Variants in PDZRN4 observed in about 807,000 individuals in gnomAD.
PDZRN4 encodes PDZ domain containing ring finger 4.
A neutral mutation model predicts 99.0 loss-of-function variants in PDZRN4; 70 were observed. The ratio of observed to expected loss-of-function variants is 0.71; its 90% CI spans 0.58 to 0.86. The LOEUF is 0.86. Among genes scored for constraint, PDZRN4 ranks in the 40% least tolerant of loss-of-function variants. The pLI is 0.00. For missense variants in PDZRN4, 1,474 were observed against 1,331.2 expected (o/e 1.11, Z -1.67); for synonymous variants, 551 against 501.6 (o/e 1.10, Z -1.32).
At position 41,259,263 on chromosome 12, in the gene PDZRN4, G is replaced by T. The variant is rs190291455; in HGVS notation, c.843+65075G>T. 1.0e-3 allele frequency among the ~76,000 whole-genome samples: 158 copies of T among 151,898 alleles called. 1 individual carries two copies. Among genetic ancestry groups the T allele is most frequent in the African/African-American group, 3.7e-3 (154 of 41,460 alleles). On this transcript the variant is annotated intron_variant, in intron 3 of 9. Coordinates refer to ENST00000402685, the MANE Select transcript of PDZRN4 (RefSeq NM_001164595.2). ...TGAGGAGAAAAGACAGAGTGGAAAGGGAAAGACAGGAGAAAATAAAGAAGA... is the reference window on the plus strand; with the variant it reads ...TGAGGAGAAAAGACAGAGTGGAAAGTGAAAGACAGGAGAAAATAAAGAAGA...
intron 3 of PDZRN4, among the ~76,000 whole-genome samples, chr12:41,319,875 T>G (rs1213239871): frequency 1.3e-5 from 2 of 152,260 alleles, no homozygotes; most frequent in Non-Finnish European, 2.9e-5. Flanking sequence ...TGCTGCCTGC[T>G]TTTTAAACCT....
chr12:41,195,746 C>T (rs1161230076), intron 3 of PDZRN4, among the ~76,000 whole-genome samples: 2 of 152,164 alleles, frequency 1.3e-5, no homozygotes, highest in African/African-American at 2.4e-5. Context: ...TGGAAACATT[C>T]ACATGCTGTA....
chr12:41,456,515 C>G (rs1952818073), intron 3 of PDZRN4, among the ~76,000 whole-genome samples: 1 of 152,138 alleles, frequency 6.6e-6, no homozygotes, highest in Admixed American at 6.6e-5. Flanking sequence ...TAACCAGGTC[C>G]TTTCTATATT....
intron 3 of PDZRN4, among the ~76,000 whole-genome samples, chr12:41,232,592 G>T (rs540141464): frequency 6.6e-6 from 1 of 152,034 alleles, no homozygotes; most frequent in South Asian, 2.1e-4. Context: ...AGATGAGTAG[G>T]TTGCAAAAAT....
chr12:41,217,898 G>T (rs999438050), intron 3 of PDZRN4, among the ~76,000 whole-genome samples: 1 of 151,952 alleles, frequency 6.6e-6, no homozygotes. Context: ...ACTGAAAAAA[G>T]ATACCACATG....
chr12:41,312,046 A>T (rs1028327056), intron 3 of PDZRN4, among the ~76,000 whole-genome samples: 7 of 152,172 alleles, frequency 4.6e-5, no homozygotes, highest in Admixed American at 6.5e-5. Flanking sequence ...TCCTGCTGCT[A>T]AAATCATGTT....
At chr12:41,383,698 G>A (rs989656806) in intron 3 of PDZRN4, among the ~76,000 whole-genome samples, 1 of 152,050 alleles carries the variant, frequency 6.6e-6, no homozygotes, top group African/African-American at 2.4e-5. Flanking sequence ...ATAGATAAAT[G>A]TTTCCCCATA....
intron 3 of PDZRN4, among the ~76,000 whole-genome samples, chr12:41,468,937 A>G (rs938380284): frequency 1.2e-4 from 18 of 151,932 alleles, no homozygotes; most frequent in Non-Finnish European, 2.6e-4. Flanking sequence ...TGAACCCAGT[A>G]GGTGGAAGTT....
intron 5 of PDZRN4, among the ~76,000 whole-genome samples, chr12:41,544,747 T>C (rs1220305346): frequency 2.0e-5 from 3 of 152,176 alleles, no homozygotes; most frequent in African/African-American, 7.2e-5. Context: ...GGACCCCTAT[T>C]TCAGAAAGAG....
chr12:41,323,234 T>C (rs7973410), intron 3 of PDZRN4, among the ~76,000 whole-genome samples: 75,550 of 152,052 alleles, frequency 0.5, 20,292 homozygotes, highest in Middle Eastern at 0.66. Context: ...CAGTCTTCTA[T>C]GGAGAGGACA....
chr12:41,573,324 C>T lies in PDZRN4; in HGVS notation c.2545C>T (p.His849Tyr). The change falls in exon 10 of 10, where the codon CAT becomes TAT. Residue 849 changes from histidine (H) to tyrosine (Y), a missense_variant. Coordinates refer to ENST00000402685, the MANE Select transcript of PDZRN4 (RefSeq NM_001164595.2). ...RYANIPAHAR[H>Y]YQSYMQLIQQ... ...TGCAAACATCCCAGCACACGCCCGG[C>T]ATTATCAAAGCTACATGCAGTTAAT... is the stretch of plus-strand genomic sequence containing the variant. The T allele has an allele frequency of 6.2e-7, 1 of 1,613,260 alleles. No individual in the cohort carries two copies. Among genetic ancestry groups the T allele is most frequent in the Non-Finnish European group, 8.5e-7 (1 of 1,179,998 alleles).
At chr12:41,394,478 A>G (rs771663672) in intron 3 of PDZRN4, among the ~76,000 whole-genome samples, 4 of 152,202 alleles carry the variant, frequency 2.6e-5, no homozygotes, top group Non-Finnish European at 5.9e-5. Context: ...AAATTGCTCC[A>G]AAAGGTAGCA....
rs139183076 is a variant in PDZRN4, at chr12:41,222,778, G to T, written c.843+28590G>T. On this transcript the variant is annotated intron_variant, in intron 3 of 9. Transcript: ENST00000402685. The stretch of plus-strand genomic sequence containing the variant: ...GACCTCAAGTGATCCACCCGCCTCA[G>T]CCTCCCAAAATGCTGGGATTACAGG... Among the ~76,000 whole-genome samples, 1,274 of 152,200 alleles carry T rather than the reference G, an allele frequency of 8.4e-3. 6 individuals are homozygous for T. Among genetic ancestry groups the T allele is most frequent in the Non-Finnish European group, 0.014 (971 of 68,012 alleles).
chr12:41,270,453 T>C (rs1289870378), intron 3 of PDZRN4, among the ~76,000 whole-genome samples: 1 of 152,024 alleles, frequency 6.6e-6, no homozygotes, highest in African/African-American at 2.4e-5. Context: ...CACTTAATAG[T>C]AAGGGGAACT....
chr12:41,460,201 A>C, intron 3 of PDZRN4: 1 of 633,596 alleles, frequency 1.6e-6, no homozygotes, highest in Non-Finnish European at 2.3e-6. Context: ...CCTATATTGA[A>C]TATCCTAGTC....
intron 3 of PDZRN4, among the ~76,000 whole-genome samples, chr12:41,413,357 G>A (rs1403475012): frequency 2.0e-5 from 3 of 152,102 alleles, no homozygotes; most frequent in Non-Finnish European, 4.4e-5. Flanking sequence ...GGCACTAGAG[G>A]CTGGGAAGGA....
intron 3 of PDZRN4, among the ~76,000 whole-genome samples, chr12:41,265,134 C>G (rs1951267751): frequency 6.6e-6 from 1 of 152,016 alleles, no homozygotes; most frequent in East Asian, 1.9e-4. Context: ...AATATAATGT[C>G]AAATGAGTCC....
At chr12:41,277,726 G>A (rs1951358944) in intron 3 of PDZRN4, among the ~76,000 whole-genome samples, 1 of 152,188 alleles carries the variant, frequency 6.6e-6, no homozygotes, top group African/African-American at 2.4e-5. Context: ...AGCTCTTGTT[G>A]CAACGATTGA....
intron 3 of PDZRN4, among the ~76,000 whole-genome samples, chr12:41,353,168 G>A (rs1045032333): frequency 2.0e-5 from 3 of 152,056 alleles, no homozygotes; most frequent in African/African-American, 7.2e-5. Context: ...AATTATTTGT[G>A]AAGATGAGAC....
Sources: allele counts gnomAD v4.1 joint callset (sites outside exome capture counted in the v4.1 genomes callset), GRCh38; gene constraint gnomAD v4.1.1; transcripts MANE v1.5; gene names NCBI Gene and HGNC (gene_info 2026-07-23, HGNC 2026-07-21).